The following MXD3 variants were observed in gnomAD, a reference collection of about 807,000 sequenced individuals.
MXD3 encodes the protein MAX dimerization protein 3.
Under a neutral mutation model 27.5 loss-of-function variants are expected in MXD3, and 20 were observed. The ratio of observed to expected loss-of-function variants is 0.73; its 90% CI spans 0.51 to 1.06. The LOEUF (loss-of-function observed/expected upper bound fraction) is 1.06, where lower values mean the gene tolerates loss of function less well. Ranked by LOEUF, MXD3 falls within the 50% of genes least tolerant of loss-of-function variation. The pLI is 0.00. For missense variants in MXD3, 298 were observed against 291.3 expected, an observed-to-expected ratio of 1.02 and a Z score of -0.17; for synonymous variants, 150 against 130.7, an observed-to-expected ratio of 1.15 and a Z score of -1.01.
At chr5:177,306,069 G>C, downstream of MXD3, 1 of 1,603,440 alleles carries the variant, frequency 6.2e-7, no homozygotes, top group Non-Finnish European at 8.5e-7. Flanking sequence ...GGGCAACTCA[G>C]TATCCTTCCC....
downstream of MXD3, chr5:177,306,231 C>T (rs753970231): frequency 5.7e-6 from 9 of 1,583,876 alleles, no homozygotes; most frequent in East Asian, 2.2e-5. Context: ...TTCAGCCTAG[C>T]GGGCGTGGAG....
At chr5:177,308,185 TG>T (rs924082792) in intron 4 of MXD3, 56 of 556,924 alleles carry the variant, frequency 1.0e-4, no homozygotes, top group African/African-American at 1.9e-4. Context: ...AGATTGGGGG[TG>T]GGGGGGCACC....
downstream of MXD3, chr5:177,307,161 G>A (rs1362333023): frequency 6.5e-7 from 1 of 1,548,438 alleles, no homozygotes; most frequent in South Asian, 1.2e-5. Context: ...CAGTGGGTCT[G>A]TGGTTGGGAG....
intron 1 of MXD3, 96 bp from the exon 2 acceptor site, chr5:177,311,580 C>T: frequency 8.3e-7 from 1 of 1,203,976 alleles, no homozygotes; most frequent in South Asian, 1.6e-5. Flanking sequence ...GCTTTTGGCG[C>T]CAGGACCATT....
chr5:177,312,284 TGCCGCGGGGGCGGGGCCTCCGGCC>T (rs1761057122), upstream of MXD3: 17 of 986,294 alleles, frequency 1.7e-5, no homozygotes, highest in Non-Finnish European at 1.9e-5. Context: ...TGCACGTGGG[TGCCGCGGGGGCGGGGCCTCCGGCC>T]GCCGCTCGCC....
At chr5:177,312,693 A>G, upstream of MXD3, 4 of 985,256 alleles carry the variant, frequency 4.1e-6, no homozygotes, top group Non-Finnish European at 3.6e-6. Flanking sequence ...TGCTACGAAA[A>G]CGTCAGTGGG....
chr5:177,307,137 A>G, downstream of MXD3: 1 of 1,534,684 alleles, frequency 6.5e-7, no homozygotes, highest in Non-Finnish European at 8.8e-7. Context: ...GGGAACTGAT[A>G]TTATTTCCTC....
In MXD3 at chr5:177,311,838, A is replaced by T. The variant is rs1434049782; in HGVS notation, c.-8T>A. ...GCTGGCCAAGGGTTCCATGTCGGCG[A>T]CAGCTGGCGGCGGGCCGGCCTAGGG... On this transcript the variant is annotated 5_prime_UTR_variant, in exon 1 of 6. Transcript: ENST00000439742. The T allele has an allele frequency of 6.2e-7, 1 of 1,610,386 alleles. No homozygotes were observed. The highest frequency in any genetic ancestry group is 1.7e-5 in the Admixed American group (1 of 59,746).
chr5:177,307,173 TCC>T, downstream of MXD3: 1 of 1,549,516 alleles, frequency 6.5e-7, no homozygotes, highest in Non-Finnish European at 8.7e-7. Context: ...GGTTGGGAGT[TCC>T]CCCGTTTTCA....
Position 177,311,631 on chromosome 5 carries a change from CGAGTT to C in MXD3, c.70+125_70+129del, listed in dbSNP as rs1009231742. 4 of 1,179,726 alleles carry C rather than the reference CGAGTT, an allele frequency of 3.4e-6. No individual in the cohort carries two copies. In the African/African-American group the frequency reaches 6.3e-5, roughly 19 times the overall value. 73.1% of individuals were successfully genotyped at this position (1,179,726 alleles called of 1,614,324 possible). ...TGCTCTACCGCCCCGGGACTCCTCT[CGAGTT>C]GAGGGCGAGGCGCCCCGGGATTACT... On this transcript the variant is annotated intron_variant, in intron 1 of 5. Coordinates refer to ENST00000439742, the MANE Select transcript of MXD3 (RefSeq NM_031300.4).
upstream of MXD3, chr5:177,312,033 C>T: frequency 8.0e-7 from 1 of 1,249,392 alleles, no homozygotes; most frequent in East Asian, 4.3e-5. Context: ...CTCCGGCAGC[C>T]GCCCCGCCCC....
At position 177,307,242 on chromosome 5, in the gene MXD3, C is replaced by T; in HGVS notation, c.*346G>A. On this transcript the variant is annotated 3_prime_UTR_variant, in exon 6 of 6. Transcript: ENST00000439742. ...AGAGGCTTTTAATGAAAATACTGTA[C>T]AGTTTATGTGAGGCAAAGGCAGGGG... 1.3e-6 allele frequency: 2 copies of T among 1,551,650 alleles called. No homozygotes were observed. Among genetic ancestry groups the T allele is most frequent in the Non-Finnish European group, 1.7e-6 (2 of 1,146,960 alleles).
At chr5:177,311,524 GA>G (rs1290030862) in intron 1 of MXD3, 40 bp from the exon 2 acceptor site, 1 of 1,381,066 alleles carries the variant, frequency 7.2e-7, no homozygotes, top group Non-Finnish European at 9.5e-7. Flanking sequence ...GCTGGGGCTG[GA>G]CCTGGTCCCA....
intron 4 of MXD3, among the ~76,000 whole-genome samples, chr5:177,308,319 T>A (rs1760943740): frequency 6.6e-6 from 1 of 151,724 alleles, no homozygotes; most frequent in African/African-American, 2.4e-5. Flanking sequence ...GAGCCAGGCA[T>A]GTGCTGTCAT....
At chr5:177,308,914 AG>A (rs1340573370) in intron 4 of MXD3, among the ~76,000 whole-genome samples, 1 of 152,202 alleles carries the variant, frequency 6.6e-6, no homozygotes, top group Non-Finnish European at 1.5e-5. Flanking sequence ...TGGAAGGCCA[AG>A]GGCTCTCCCA....
Position 177,311,733 on chromosome 5 carries a change from C to G in MXD3, c.70+28G>C, listed in dbSNP as rs746355113. On this transcript the variant is annotated intron_variant, in intron 1 of 5. Coordinates refer to ENST00000439742, the MANE Select transcript of MXD3 (RefSeq NM_031300.4). ...GGCCCGTGTCAGCGAGGTCGCCGCC[C>G]GGAATTCAGCCAAGGGTCCTTCCTC... 14 of 1,608,542 alleles carry G rather than the reference C, an allele frequency of 8.7e-6. No homozygotes were observed. In the South Asian group the frequency reaches 1.6e-4, roughly 18 times the overall value.
At position 177,307,300 on chromosome 5, in the gene MXD3, C is replaced by T. The variant is rs1319180189; in HGVS notation, c.*288G>A. 1.3e-5 allele frequency: 20 copies of T among 1,548,230 alleles called. No homozygotes were observed. In the East Asian group the frequency reaches 2.9e-4, roughly 23 times the overall value. On this transcript the variant is annotated 3_prime_UTR_variant, in exon 6 of 6. Transcript: ENST00000439742. ...CCAGGAAGGGAAGAGGCCCAAGAGG[C>T]TTCCTGTCCCCTTGGGGGCAGCAGA...
upstream of MXD3, chr5:177,312,410 G>C (rs912114351): frequency 1.0e-6 from 1 of 984,896 alleles, no homozygotes; most frequent in Non-Finnish European, 1.2e-6. Context: ...GCTCTGCCCC[G>C]CCCTCTCCCG....
At position 177,307,709 on chromosome 5, in the gene MXD3, CG is replaced by C; in HGVS notation, c.506-7del. 5.0e-6 allele frequency: 8 copies of C among 1,613,756 alleles called. No homozygotes were observed. Among genetic ancestry groups the C allele is most frequent in the East Asian group, 2.2e-5 (1 of 44,868 alleles). On this transcript the variant is annotated splice_polypyrimidine_tract_variant and splice_region_variant and intron_variant, in intron 5 of 5. Coordinates refer to ENST00000439742, the MANE Select transcript of MXD3 (RefSeq NM_031300.4). ...CACATCCACCTCCAGCTCCTCTGCG[CG>C]GGGAGGGGTCCGGTCAGAAGACCTG...
Sources: allele counts gnomAD v4.1 joint callset (sites outside exome capture counted in the v4.1 genomes callset), GRCh38; gene constraint gnomAD v4.1.1; transcripts MANE v1.5; gene names NCBI Gene and HGNC (gene_info 2026-07-23, HGNC 2026-07-21).